BBX: variants seen among roughly 807,000 people sequenced by gnomAD.
BBX encodes the protein HMG box transcription factor BBX.
Under a neutral mutation model 100.2 loss-of-function variants are expected in BBX, and 30 were observed. That is an observed-to-expected ratio of 0.30 (90% CI 0.22 to 0.41). The LOEUF (loss-of-function observed/expected upper bound fraction) is 0.41, where lower values mean the gene tolerates loss of function less well. Ranked by LOEUF, BBX falls within the 10% of genes least tolerant of loss-of-function variation. BBX has a pLI of 1.00. For missense variants in BBX, 1,023 were observed against 1,129.8 expected (o/e 0.91, Z 1.35); for synonymous variants, 376 against 388.1 (o/e 0.97, Z 0.37).
intron 2 of BBX, among the ~76,000 whole-genome samples, chr3:107,622,792 G>T (rs140028651): frequency 2.6e-5 from 4 of 152,254 alleles, no homozygotes; most frequent in African/African-American, 9.6e-5. Context: ...TACACATCCT[G>T]TGGAAAACAT....
At chr3:107,541,665 C>T (rs75195565) in intron 2 of BBX, among the ~76,000 whole-genome samples, 1,593 of 151,870 alleles carry the variant, frequency 0.01, 10 homozygotes, top group Non-Finnish European at 0.018. Flanking sequence ...TGTTAATCCC[C>T]CCCCCATGAG....
chr3:107,719,414 A>G (rs1248891310), intron 5 of BBX, among the ~76,000 whole-genome samples: 2 of 151,978 alleles, frequency 1.3e-5, no homozygotes, highest in Non-Finnish European at 2.9e-5. Context: ...AGAGTGAGTA[A>G]TAATACAATT....
At chr3:107,609,126 GT>G (rs1222259454) in intron 2 of BBX, among the ~76,000 whole-genome samples, 1 of 152,040 alleles carries the variant, frequency 6.6e-6, no homozygotes, top group Non-Finnish European at 1.5e-5. Context: ...TCCTTGTCTT[GT>G]TCCAGATCTT....
Position 107,728,923 on chromosome 3 carries a change from G to C in BBX, c.564G>C (p.Lys188Asn). The C allele has an allele frequency of 2.5e-6, 4 of 1,613,670 alleles. No homozygotes were observed. The highest frequency in any genetic ancestry group is 3.4e-6 in the Non-Finnish European group (4 of 1,179,770). ...ACTTGCCAAGCCCCAAGAAAGCAAAGACTGAAGAAATGCCTCAGCTTAACT... is the reference window on the plus strand; with the variant it reads ...ACTTGCCAAGCCCCAAGAAAGCAAACACTGAAGAAATGCCTCAGCTTAACT... ...SRDLPSPKKA[K>N]TEEMPQLNFG... The change falls in exon 6 of 18, where the codon AAG (lysine) becomes AAC (asparagine). Residue 188 changes from lysine to asparagine, a missense_variant. By Grantham distance (94) the Lys-to-Asn change is moderately conservative. Coordinates refer to ENST00000325805, the MANE Select transcript of BBX (RefSeq NM_001142568.3).
At chr3:107,663,366 A>G (rs538616418) in intron 3 of BBX, among the ~76,000 whole-genome samples, 4 of 152,314 alleles carry the variant, frequency 2.6e-5, no homozygotes, top group South Asian at 4.1e-4. Flanking sequence ...AAAAATATTT[A>G]TACTATGTAG....
chr3:107,715,031 A>T (rs2062004355), intron 4 of BBX, among the ~76,000 whole-genome samples: 1 of 152,012 alleles, frequency 6.6e-6, no homozygotes, highest in Non-Finnish European at 1.5e-5. Flanking sequence ...TGATCCTCCC[A>T]CCTTGGCCTC....
chr3:107,663,106 G>A (rs2107869735), intron 3 of BBX, among the ~76,000 whole-genome samples: 1 of 152,148 alleles, frequency 6.6e-6, no homozygotes, highest in Non-Finnish European at 1.5e-5. Flanking sequence ...GTAATAACAG[G>A]TATAATGTCA....
chr3:107,574,707 T>C lies in BBX; in HGVS notation c.-84+48309T>C, dbSNP rs74818536. ...TAATTTTAATTACAAATTATAACTTTTAAAAAATGTAATTATGAATGAGAT... is the reference window on the plus strand; with the variant it reads ...TAATTTTAATTACAAATTATAACTTCTAAAAAATGTAATTATGAATGAGAT... On this transcript the variant is annotated intron_variant, in intron 2 of 17. Coordinates refer to ENST00000325805, the MANE Select transcript of BBX (RefSeq NM_001142568.3). 6.9e-4 allele frequency among the ~76,000 whole-genome samples: 105 copies of C among 152,332 alleles called. No individual in the cohort carries two copies. In the East Asian group the frequency reaches 0.02, roughly 29 times the overall value.
chr3:107,767,704 A>G (rs1396924246), intron 10 of BBX, among the ~76,000 whole-genome samples: 1 of 152,238 alleles, frequency 6.6e-6, no homozygotes, highest in Non-Finnish European at 1.5e-5. Flanking sequence ...AGAAGAAGAA[A>G]ACAGGGAATT....
At chr3:107,627,734 A>T (rs1234182732) in intron 2 of BBX, among the ~76,000 whole-genome samples, 2 of 151,910 alleles carry the variant, frequency 1.3e-5, no homozygotes, top group African/African-American at 4.8e-5. Flanking sequence ...TGGTTTCCTT[A>T]TAGAGGACAC....
At chr3:107,625,776 G>A (rs2056125033) in intron 2 of BBX, among the ~76,000 whole-genome samples, 1 of 152,166 alleles carries the variant, frequency 6.6e-6, no homozygotes, top group African/African-American at 2.4e-5. Flanking sequence ...TAGGTCCCCT[G>A]TAGCTCTAGA....
At chr3:107,656,165 G>C (rs1357744163) in intron 3 of BBX, among the ~76,000 whole-genome samples, 2 of 149,634 alleles carry the variant, frequency 1.3e-5, no homozygotes, top group African/African-American at 2.4e-5. Flanking sequence ...TTTCATAATT[G>C]GTCCAAGAGA....
chr3:107,729,645 C>A (rs550379084), intron 6 of BBX, among the ~76,000 whole-genome samples: 1 of 152,246 alleles, frequency 6.6e-6, no homozygotes, highest in African/African-American at 2.4e-5. Context: ...GTGCAGTAAT[C>A]AAAAGATGAG....
At chr3:107,697,639 G>C (rs551512402) in intron 3 of BBX, among the ~76,000 whole-genome samples, 1 of 152,022 alleles carries the variant, frequency 6.6e-6, no homozygotes, top group South Asian at 2.1e-4. Flanking sequence ...GGAGGTTACT[G>C]CTGTCTTTTT....
chr3:107,645,044 A>G (rs2057435119), intron 2 of BBX, among the ~76,000 whole-genome samples: 1 of 152,206 alleles, frequency 6.6e-6, no homozygotes, highest in Non-Finnish European at 1.5e-5. Flanking sequence ...ACAGATTTAG[A>G]AGAAATATAT....
intron 2 of BBX, among the ~76,000 whole-genome samples, chr3:107,536,067 G>T (rs1471689614): frequency 6.6e-6 from 1 of 152,244 alleles, no homozygotes; most frequent in African/African-American, 2.4e-5. Context: ...ACTTCAGAGT[G>T]CCTGATCAAA....
intron 2 of BBX, among the ~76,000 whole-genome samples, chr3:107,546,269 C>G (rs187627275): frequency 3.9e-5 from 6 of 152,318 alleles, no homozygotes; most frequent in Admixed American, 3.9e-4. Flanking sequence ...GTTACGTCTT[C>G]TCTAGTCATT....
At chr3:107,523,836 CCG>C (rs2107261759) in intron 1 of BBX, among the ~76,000 whole-genome samples, 1 of 152,202 alleles carries the variant, frequency 6.6e-6, no homozygotes, top group African/African-American at 2.4e-5. Context: ...TGTTCCGGCC[CCG>C]CAGATCAGTG....
chr3:107,714,318 CCTT>C (rs2061949237), intron 4 of BBX, among the ~76,000 whole-genome samples: 1 of 152,186 alleles, frequency 6.6e-6, no homozygotes, highest in African/African-American at 2.4e-5. Flanking sequence ...TCCAGGGAGG[CCTT>C]CTTGCGCTTC....
Sources: allele counts gnomAD v4.1 joint callset (sites outside exome capture counted in the v4.1 genomes callset), GRCh38; gene constraint gnomAD v4.1.1; transcripts MANE v1.5; gene names NCBI Gene and HGNC (gene_info 2026-07-23, HGNC 2026-07-21).